The following FANK1 variants were observed in gnomAD, a reference collection of about 807,000 sequenced individuals.
The protein encoded by FANK1 is fibronectin type 3 and ankyrin repeat domains protein 1.
FANK1 carries 44 observed loss-of-function variants against 45.3 expected under a neutral mutation model. That is an observed-to-expected ratio of 0.97 (90% CI 0.76 to 1.25). The LOEUF is 1.25. Among genes scored for constraint, FANK1 ranks in the 50% most tolerant of loss-of-function variants. The pLI is 0.00. For missense variants in FANK1, 391 were observed against 424.4 expected (o/e 0.92, Z 0.69); for synonymous variants, 149 against 152.5 (o/e 0.98, Z 0.17).
Position 125,997,443 on chromosome 10 carries a change from A to T in FANK1, c.497A>T (p.Asn166Ile), listed in dbSNP as rs1564962719. 1 of 1,613,924 alleles carries T rather than the reference A, an allele frequency of 6.2e-7. No individual in the cohort carries two copies. ...YTRLVKILVS[N>I]GTDVNLKNGS... ...AGGCTTGTGAAAATCCTAGTTTCTA[A>T]TGGCACAGACGTGAATCTGAAGAAT... Residue 166 changes from asparagine (N) to isoleucine (I), a missense_variant, in exon 6 of 11, where the codon AAT becomes ATT. Transcript: ENST00000368693.
At chr10:125,931,955 G>C (rs1464889930) in intron 1 of FANK1, among the ~76,000 whole-genome samples, 3 of 152,102 alleles carry the variant, frequency 2.0e-5, no homozygotes, top group African/African-American at 7.2e-5. Context: ...ACCATTTGTT[G>C]AAAAGGGTGT....
chr10:125,959,240 TC>T (rs1949766609), intron 1 of FANK1, among the ~76,000 whole-genome samples: 2 of 124,596 alleles, frequency 1.6e-5, no homozygotes, highest in South Asian at 5.5e-4. Context: ...CTACTAAAAA[TC>T]CACACACACA....
intron 1 of FANK1, among the ~76,000 whole-genome samples, chr10:125,926,974 C>A (rs1306154827): frequency 1.3e-5 from 2 of 152,210 alleles, no homozygotes; most frequent in Non-Finnish European, 2.9e-5. Flanking sequence ...ATGGATATGA[C>A]CAGCAACCCA....
chr10:125,908,415 C>G (rs573600312), intron 1 of FANK1, among the ~76,000 whole-genome samples: 1 of 152,308 alleles, frequency 6.6e-6, no homozygotes, highest in Admixed American at 6.5e-5. Flanking sequence ...TGGAATACTA[C>G]TCAGCCATAA....
chr10:125,991,174 G>C (rs553099841), intron 3 of FANK1, among the ~76,000 whole-genome samples: 3 of 152,256 alleles, frequency 2.0e-5, no homozygotes, highest in Admixed American at 1.3e-4. Context: ...CAGCGCATTT[G>C]TCCTTACAGC....
chr10:125,949,182 G>C (rs1250281713), intron 1 of FANK1, among the ~76,000 whole-genome samples: 1 of 151,634 alleles, frequency 6.6e-6, no homozygotes, highest in Non-Finnish European at 1.5e-5. Flanking sequence ...GGCAAAAACT[G>C]GAAGCATTCC....
At chr10:125,980,422 G>C in intron 2 of FANK1, 84 bp downstream of exon 2, 1 of 1,408,298 alleles carries the variant, frequency 7.1e-7, no homozygotes, top group Non-Finnish European at 9.6e-7. Context: ...AAAAGCCACT[G>C]CTTGTTTCAA....
chr10:125,995,477 TG>T lies in FANK1; in HGVS notation c.379del (p.Val127SerfsTer22), dbSNP rs751996540. ...RAVSVNDEDL[L>X]VRILQGGRVK... Reference sequence around the variant, plus strand: ...GTCAGTGTGAATGATGAAGATTTGCTGGTCCGAATACTTCAAGGAGGGTGAG... The same window carrying T: ...GTCAGTGTGAATGATGAAGATTTGCTGTCCGAATACTTCAAGGAGGGTGAG... On this transcript the variant is annotated frameshift_variant, in exon 4 of 11. Transcript: ENST00000368693. LOFTEE classifies it high-confidence loss of function. 2.5e-6 allele frequency: 4 copies of T among 1,614,094 alleles called. No homozygotes were observed. The Admixed American group carries it at 5.0e-5, about 20-fold the overall frequency.
chr10:125,979,915 G>A, intron 1 of FANK1: 1 of 612,504 alleles, frequency 1.6e-6, no homozygotes, highest in Non-Finnish European at 3.0e-6. Context: ...GGTCAGTGGG[G>A]GTGGTATGAT....
chr10:125,931,766 G>T (rs903280738), intron 1 of FANK1, among the ~76,000 whole-genome samples: 1 of 152,102 alleles, frequency 6.6e-6, no homozygotes, highest in Admixed American at 6.6e-5. Flanking sequence ...TGGGTTCTTG[G>T]TCATGAAATC....
intron 1 of FANK1, among the ~76,000 whole-genome samples, chr10:125,960,036 A>G (rs1260912234): frequency 6.6e-6 from 1 of 152,222 alleles, no homozygotes. Context: ...GTAGAAACTC[A>G]CCAATTTCTG....
rs185388033 is a variant in FANK1, at chr10:125,973,943, C to T, written c.14-6218C>T. 5.3e-5 allele frequency among the ~76,000 whole-genome samples: 8 copies of T among 152,300 alleles called. No individual in the cohort carries two copies. In the East Asian group the frequency reaches 1.3e-3, roughly 26 times the overall value. The stretch of plus-strand genomic sequence containing the variant: ...CCTTTTGCAACCCATGTTTTCCACC[C>T]ATCCATTTTGAATTGATCTATGTTG... On this transcript the variant is annotated intron_variant, in intron 1 of 10. Coordinates refer to ENST00000368693, the MANE Select transcript of FANK1 (RefSeq NM_145235.5).
intron 3 of FANK1, among the ~76,000 whole-genome samples, chr10:125,993,251 G>A (rs1952067503): frequency 6.6e-6 from 1 of 152,188 alleles, no homozygotes; most frequent in Admixed American, 6.5e-5. Flanking sequence ...TTATGTTTGA[G>A]TGGCAGGTGA....
At chr10:125,986,995 T>C (rs573848760) in intron 2 of FANK1, among the ~76,000 whole-genome samples, 14 of 152,214 alleles carry the variant, frequency 9.2e-5, no homozygotes, top group Non-Finnish European at 1.9e-4. Flanking sequence ...GGCTGTTTGA[T>C]GATTAGGTGA....
At chr10:125,949,112 T>C (rs1393372084) in intron 1 of FANK1, among the ~76,000 whole-genome samples, 2 of 151,952 alleles carry the variant, frequency 1.3e-5, no homozygotes, top group Non-Finnish European at 2.9e-5. Context: ...ATTGATGGGA[T>C]GTATTTCAAA....
At chr10:125,962,794 C>T (rs370539524) in intron 1 of FANK1, among the ~76,000 whole-genome samples, 7 of 151,592 alleles carry the variant, frequency 4.6e-5, no homozygotes, top group Admixed American at 2.0e-4. Context: ...ACTGTTATTT[C>T]GTTTCCTTGC....
At chr10:125,951,247 AAAAG>A (rs1404641677) in intron 1 of FANK1, among the ~76,000 whole-genome samples, 7 of 152,220 alleles carry the variant, frequency 4.6e-5, no homozygotes, top group East Asian at 1.9e-4. Context: ...AAAAAAAAAA[AAAAG>A]AACAAAACAA....
intron 1 of FANK1, among the ~76,000 whole-genome samples, chr10:125,943,142 T>G (rs925817999): frequency 7.2e-5 from 11 of 152,186 alleles, no homozygotes; most frequent in Admixed American, 2.0e-4. Context: ...CAGAATAATT[T>G]CTATTAATTT....
intron 1 of FANK1, among the ~76,000 whole-genome samples, chr10:125,964,468 C>G (rs1950104655): frequency 6.6e-6 from 1 of 152,152 alleles, no homozygotes; most frequent in Non-Finnish European, 1.5e-5. Context: ...GCTGGAATCA[C>G]AGGTGTGAAC....
Sources: allele counts gnomAD v4.1 joint callset (sites outside exome capture counted in the v4.1 genomes callset), GRCh38; gene constraint gnomAD v4.1.1; transcripts MANE v1.5; gene names NCBI Gene and HGNC (gene_info 2026-07-23, HGNC 2026-07-21).